Variants in SLC36A1 observed in about 807,000 individuals in gnomAD.
The protein encoded by SLC36A1 is proton-coupled amino acid transporter 1.
SLC36A1 carries 30 observed loss-of-function variants against 47.5 expected under a neutral mutation model. That is an observed-to-expected ratio of 0.63 (90% CI 0.47 to 0.86). The LOEUF (loss-of-function observed/expected upper bound fraction) is 0.86. Among genes scored for constraint, SLC36A1 ranks in the 40% least tolerant of loss-of-function variants. SLC36A1 has a pLI of 0.00. For synonymous variants in SLC36A1, 255 were observed against 249.7 expected (o/e 1.02, Z -0.20); for missense variants, 517 against 606.0 (o/e 0.85, Z 1.54).
chr5:151,365,576 C>T, the SLC36A1 span, among the ~76,000 whole-genome samples: 1 of 152,204 alleles, frequency 6.6e-6, no homozygotes, highest in Non-Finnish European at 1.5e-5. Flanking sequence ...TCTCATTTTA[C>T]AGCTAGGGAA....
At chr5:151,424,293 A>G in the SLC36A1 span, among the ~76,000 whole-genome samples, 2 of 152,246 alleles carry the variant, frequency 1.3e-5, no homozygotes, top group South Asian at 4.1e-4. Context: ...CAAAGTGTGC[A>G]GCAACTTCAG....
At chr5:151,525,822 C>T in the SLC36A1 span, 1 of 1,614,192 alleles carries the variant, frequency 6.2e-7, no homozygotes, top group African/African-American at 1.3e-5. Context: ...CCTCAGCAGT[C>T]ACCAGCCATC....
chr5:151,445,676 A>G (rs150274188), upstream of SLC36A1, among the ~76,000 whole-genome samples: 92 of 152,130 alleles, frequency 6.0e-4, no homozygotes, highest in Non-Finnish European at 1.2e-3. Flanking sequence ...ATTTGTTATT[A>G]GTCTGTTCAG....
chr5:151,508,702 T>C, the SLC36A1 span, among the ~76,000 whole-genome samples: 2 of 142,312 alleles, frequency 1.4e-5, no homozygotes, highest in Non-Finnish European at 1.5e-5. Context: ...AGAGTGAAAC[T>C]CCTTCTCAAA....
chr5:151,551,380 T>A, the SLC36A1 span: 13 of 1,393,832 alleles, frequency 9.3e-6, no homozygotes, highest in Non-Finnish European at 1.3e-5. Context: ...GAACACCACA[T>A]CCACAGAAAA....
At chr5:151,364,935 C>T in the SLC36A1 span, among the ~76,000 whole-genome samples, 1,672 of 152,288 alleles carry the variant, frequency 0.011, 17 homozygotes, top group Non-Finnish European at 0.018. Flanking sequence ...TAAGATTACC[C>T]TCTTCCTGAT....
the SLC36A1 span, among the ~76,000 whole-genome samples, chr5:151,358,837 G>A: frequency 5.9e-5 from 9 of 151,646 alleles, no homozygotes; most frequent in Admixed American, 3.9e-4. Flanking sequence ...AGCCGGGCGC[G>A]GTGGCGGGTG....
chr5:151,498,849 A>G, the SLC36A1 span, among the ~76,000 whole-genome samples: 1 of 152,210 alleles, frequency 6.6e-6, no homozygotes, highest in South Asian at 2.1e-4. Flanking sequence ...TGGCCAGTTC[A>G]GTCAGAACTT....
At chr5:151,437,776 T>C (rs1759858624) in intron 1 of SLC36A1, among the ~76,000 whole-genome samples, 1 of 152,186 alleles carries the variant, frequency 6.6e-6, no homozygotes, top group Non-Finnish European at 1.5e-5. Flanking sequence ...TACCACAATT[T>C]AGTAGATTAG....
At chr5:151,521,615 C>A in the SLC36A1 span, 12 of 1,614,094 alleles carry the variant, frequency 7.4e-6, no homozygotes, top group Non-Finnish European at 1.0e-5. Context: ...CGTTTGATGT[C>A]CAGCTTATGG....
the SLC36A1 span, among the ~76,000 whole-genome samples, chr5:151,523,572 G>A: frequency 2.6e-5 from 4 of 152,132 alleles, no homozygotes; most frequent in South Asian, 4.2e-4. Flanking sequence ...GTGGAAGTAC[G>A]GGACCAATGC....
Position 151,452,157 on chromosome 5 carries a change from G to C in SLC36A1, c.-6+4344G>C, listed in dbSNP as rs962752048. 4.6e-5 allele frequency among the ~76,000 whole-genome samples: 7 copies of C among 152,222 alleles called. No individual in the cohort carries two copies. In the East Asian group the frequency reaches 7.7e-4, roughly 17 times the overall value. ...TGCTGAGGTCAGCAGCTGCCCTGTA[G>C]CTGTTCTAGCATCAGACTCCTACAG... On this transcript the variant is annotated intron_variant, in intron 1 of 10. Transcript: ENST00000243389.
At chr5:151,542,166 G>T in the SLC36A1 span, 1 of 937,500 alleles carries the variant, frequency 1.1e-6, no homozygotes, top group South Asian at 1.6e-5. Context: ...GGTTAAGTGT[G>T]CCCAAGGTCA....
chr5:151,518,597 G>T, the SLC36A1 span, among the ~76,000 whole-genome samples: 1 of 152,144 alleles, frequency 6.6e-6, no homozygotes. Context: ...ACAATAAAAT[G>T]CGGCTGAGAG....
chr5:151,505,238 C>T, the SLC36A1 span: 4 of 427,858 alleles, frequency 9.3e-6, no homozygotes, highest in Middle Eastern at 6.5e-4. Context: ...GGCTCTGCCC[C>T]GGGGACTGAG....
At chr5:151,531,515 A>G in the SLC36A1 span, 10 of 1,585,618 alleles carry the variant, frequency 6.3e-6, no homozygotes, top group Non-Finnish European at 8.6e-6. This position sits in a 1 kb window ranked among gnomAD's most constrained non-coding sequence, Gnocchi z 5.7. Context: ...AGATACCCAC[A>G]CAGGGGAGGA....
the SLC36A1 span, among the ~76,000 whole-genome samples, chr5:151,374,267 C>T: frequency 1.6e-4 from 24 of 152,176 alleles, no homozygotes; most frequent in African/African-American, 5.8e-4. Flanking sequence ...ACTATGAAAC[C>T]CCTGTCCTGT....
At chr5:151,542,539 A>G in the SLC36A1 span, 3 of 1,614,058 alleles carry the variant, frequency 1.9e-6, no homozygotes, top group South Asian at 1.1e-5. Context: ...CTCACAGTCA[A>G]GTTCCTGGAG....
Position 151,488,404 on chromosome 5 carries a change from A to C in SLC36A1, c.*150A>C. ...GCCTGGCACCTGGATACCCTGGGCC[A>C]GGTAACCTGAGGGCAGGGGAGAGGT... is the stretch of plus-strand genomic sequence containing the variant. On this transcript the variant is annotated 3_prime_UTR_variant, in exon 11 of 11. Coordinates refer to ENST00000243389, the MANE Select transcript of SLC36A1 (RefSeq NM_078483.4). 2.0e-6 allele frequency: 2 copies of C among 993,972 alleles called. No individual in the cohort carries two copies. The highest frequency in any genetic ancestry group is 2.9e-6 in the Non-Finnish European group (2 of 689,402). The allele number at this position is 993,972 out of a possible 1,614,324, so 61.6% of individuals were successfully genotyped here.
Sources: gnomAD v4.1 joint callset for allele counts (sites outside exome capture counted in the v4.1 genomes callset) on GRCh38, gnomAD v4.1.1 for gene constraint, Gnocchi (gnomAD v3.1) non-coding constraint, MANE v1.5 for transcripts, NCBI Gene and HGNC (gene_info 2026-07-23, HGNC 2026-07-21) for gene names.